Variants in TTC29 observed in about 807,000 individuals in gnomAD.
TTC29 encodes the protein tetratricopeptide repeat protein 29.
TTC29 carries 49 observed loss-of-function variants against 58.1 expected under a neutral mutation model. That is an observed-to-expected ratio of 0.84 (90% confidence interval 0.67 to 1.07). TTC29 has a LOEUF of 1.07. Ranked by LOEUF, TTC29 falls within the 50% of genes least tolerant of loss-of-function variation. The pLI, the probability that TTC29 is intolerant of heterozygous loss-of-function variation, is 0.00. For synonymous variants in TTC29, 209 were observed against 196.8 expected (o/e 1.06, Z -0.52); for missense variants, 582 against 555.6 (o/e 1.05, Z -0.48).
chr4:146,856,313 C>T (rs35331517), intron 8 of TTC29, among the ~76,000 whole-genome samples: 16,773 of 151,822 alleles, frequency 0.11, 1,017 homozygotes, highest in East Asian at 0.18. Context: ...TTTTAAAAAA[C>T]GAATAAGTAA....
intron 11 of TTC29, among the ~76,000 whole-genome samples, chr4:146,729,822 G>A (rs1041565490): frequency 1.3e-5 from 2 of 151,950 alleles, no homozygotes; most frequent in Non-Finnish European, 2.9e-5. Context: ...CAGATCTTAT[G>A]AGAACTCACT....
At chr4:146,777,795 G>C (rs1306296788) in intron 11 of TTC29, among the ~76,000 whole-genome samples, 3 of 152,196 alleles carry the variant, frequency 2.0e-5, no homozygotes, top group African/African-American at 7.2e-5. Context: ...TGGTAGAAAA[G>C]CCAATAGGAT....
intron 7 of TTC29, 145 bp from the exon 8 acceptor site, chr4:146,867,728 G>T: frequency 2.4e-6 from 1 of 424,588 alleles, no homozygotes; most frequent in Non-Finnish European, 4.2e-6. Flanking sequence ...GCTATATACT[G>T]AAAAAAAAAG....
At chr4:146,793,944 C>CCTCA (rs1297850774) in intron 11 of TTC29, among the ~76,000 whole-genome samples, 2 of 152,114 alleles carry the variant, frequency 1.3e-5, no homozygotes, top group East Asian at 3.9e-4. Flanking sequence ...ACTGGAAGGG[C>CCTCA]CTCAGGGCAT....
intron 11 of TTC29, among the ~76,000 whole-genome samples, chr4:146,798,118 T>C (rs1339275742): frequency 1.3e-5 from 2 of 152,106 alleles, no homozygotes; most frequent in Non-Finnish European, 2.9e-5. Flanking sequence ...ACTCTTTAAG[T>C]TCCTACTACC....
At chr4:146,842,688 T>C (rs907900907) in intron 8 of TTC29, among the ~76,000 whole-genome samples, 2 of 152,072 alleles carry the variant, frequency 1.3e-5, no homozygotes, top group Non-Finnish European at 2.9e-5. Context: ...TTCCCCACCA[T>C]AAAAAGTCAG....
In TTC29 at chr4:146,866,931, ATTTG is replaced by A; in HGVS notation, c.885+563_885+566del. On this transcript the variant is annotated intron_variant, in intron 8 of 12. Transcript: ENST00000325106. ...AGGAAAGATCGCTCTTGACATTTTT[ATTTG>A]TTTGTTTTTAGCCAAACAAAACCTG... 3.3e-5 allele frequency among the ~76,000 whole-genome samples: 5 copies of A among 152,256 alleles called. No individual in the cohort carries two copies. The Middle Eastern group carries it at 0.017, about 518-fold the overall frequency.
intron 6 of TTC29, among the ~76,000 whole-genome samples, chr4:146,892,842 G>A (rs1194591081): frequency 1.3e-5 from 2 of 152,124 alleles, no homozygotes; most frequent in African/African-American, 4.8e-5. Flanking sequence ...AAAGTCTCAG[G>A]ATACAAAATC....
At chr4:146,825,939 T>A (rs543217628) in intron 9 of TTC29, among the ~76,000 whole-genome samples, 61 of 151,020 alleles carry the variant, frequency 4.0e-4, no homozygotes, top group South Asian at 1.5e-3. Context: ...GCTTTTTTTT[T>A]TAAAAAAATT....
At chr4:146,845,737 G>A (rs1729121545) in intron 8 of TTC29, among the ~76,000 whole-genome samples, 1 of 152,040 alleles carries the variant, frequency 6.6e-6, no homozygotes, top group African/African-American at 2.4e-5. Flanking sequence ...CTGCCTCCAG[G>A]CCCTTGTTAA....
intron 11 of TTC29, among the ~76,000 whole-genome samples, chr4:146,710,151 G>A (rs1304083917): frequency 6.6e-6 from 1 of 152,096 alleles, no homozygotes; most frequent in Non-Finnish European, 1.5e-5. Context: ...GAGTCATTAG[G>A]TGATGTTGTT....
chr4:146,925,230 AG>A (rs1171276429), intron 4 of TTC29, among the ~76,000 whole-genome samples: 3 of 152,104 alleles, frequency 2.0e-5, no homozygotes, highest in Non-Finnish European at 4.4e-5. Flanking sequence ...AGGTGATTAA[AG>A]GCATTGTCCA....
rs575406877 is a variant in TTC29 at position 146,786,595 on chromosome 4, G to T, written c.1330+16862C>A. On this transcript the variant is annotated intron_variant, in intron 11 of 12. Transcript: ENST00000325106. ...AATTTAAACTTTAGGCTCCGAAATCGTAATTGGTTCCACAACTCTTTCCTA... is the reference window on the plus strand; with the variant it reads ...AATTTAAACTTTAGGCTCCGAAATCTTAATTGGTTCCACAACTCTTTCCTA... 2.3e-4 allele frequency among the ~76,000 whole-genome samples: 35 copies of T among 152,236 alleles called. 1 individual carries two copies. The South Asian group carries it at 7.0e-3, about 31-fold the overall frequency.
intron 5 of TTC29, among the ~76,000 whole-genome samples, chr4:146,907,245 G>T (rs958011007): frequency 6.6e-5 from 10 of 151,982 alleles, no homozygotes; most frequent in African/African-American, 9.7e-5. Context: ...AGACTATTTG[G>T]CATTTTAGGT....
chr4:146,893,844 AC>A (rs1732558305), intron 6 of TTC29, among the ~76,000 whole-genome samples: 1 of 152,200 alleles, frequency 6.6e-6, no homozygotes, highest in Non-Finnish European at 1.5e-5. Flanking sequence ...CAAGAAAAAA[AC>A]AACCCCATCA....
chr4:146,908,305 AT>A (rs1182520057), intron 5 of TTC29, among the ~76,000 whole-genome samples: 6 of 152,136 alleles, frequency 3.9e-5, no homozygotes, highest in Admixed American at 6.5e-5. Context: ...CTAGAATTTC[AT>A]TTTTTTATTT....
intron 11 of TTC29, among the ~76,000 whole-genome samples, chr4:146,730,145 A>T (rs547215435): frequency 1.3e-5 from 2 of 152,238 alleles, no homozygotes; most frequent in Admixed American, 1.3e-4. Context: ...ATAAGTATAC[A>T]TTCTCCTCAT....
At chr4:146,935,912 T>C (rs1735778466) in intron 4 of TTC29, among the ~76,000 whole-genome samples, 1 of 152,218 alleles carries the variant, frequency 6.6e-6, no homozygotes, top group African/African-American at 2.4e-5. Flanking sequence ...TGCTGGGAGA[T>C]GCTGAAATCA....
At chr4:146,727,758 T>A (rs1307642172) in intron 11 of TTC29, among the ~76,000 whole-genome samples, 1 of 152,210 alleles carries the variant, frequency 6.6e-6, no homozygotes, top group African/African-American at 2.4e-5. Flanking sequence ...GAAGAACATT[T>A]GGTTGCTTCC....
Sources: gnomAD v4.1 joint callset for allele counts (sites outside exome capture counted in the v4.1 genomes callset) on GRCh38, gnomAD v4.1.1 for gene constraint, MANE v1.5 for transcripts, NCBI Gene and HGNC (gene_info 2026-07-23, HGNC 2026-07-21) for gene names.